ATP2C1: variants seen among roughly 807,000 people sequenced by gnomAD.
ATP2C1 encodes ATPase secretory pathway Ca2+ transporting 1.
ATP2C1 carries 31 observed loss-of-function variants against 120.5 expected under a neutral mutation model. The ratio of observed to expected loss-of-function variants is 0.26; its 90% CI spans 0.19 to 0.35. ATP2C1 has a LOEUF of 0.35. Ranked by LOEUF, ATP2C1 falls within the 10% of genes least tolerant of loss-of-function variation. The pLI is 1.00. For synonymous variants in ATP2C1, 351 were observed against 358.7 expected, an observed-to-expected ratio of 0.98 and a Z score of 0.24; for missense variants, 731 against 1,107.5, an observed-to-expected ratio of 0.66 and a Z score of 4.83.
Position 130,937,457 on chromosome 3 carries a change from T to C in ATP2C1, c.354T>C (p.Phe118=). ...VAILIVVTVA[F]VQEYRSEKSL... Reference sequence around the variant, plus strand: ...TACTTATCGTTGTTACAGTTGCCTTTGTTCAGGTAAGTACTCTATTTTGCC... The same window carrying C: ...TACTTATCGTTGTTACAGTTGCCTTCGTTCAGGTAAGTACTCTATTTTGCC... Residue 118 remains phenylalanine (F), a synonymous_variant, in exon 6 of 28, where the codon TTT becomes TTC. Transcript: ENST00000510168. The C allele has an allele frequency of 6.2e-7, 1 of 1,613,744 alleles. No individual in the cohort carries two copies. Among genetic ancestry groups the C allele is most frequent in the Non-Finnish European group, 8.5e-7 (1 of 1,179,622 alleles).
intron 1 of ATP2C1, among the ~76,000 whole-genome samples, chr3:130,883,898 A>G (rs905489650): frequency 7.0e-6 from 1 of 143,522 alleles, no homozygotes; most frequent in African/African-American, 2.6e-5. Context: ...AAATTTTTCA[A>G]TTTCTTTCTT....
At chr3:130,966,455 C>G (rs2061051471) in intron 14 of ATP2C1, among the ~76,000 whole-genome samples, 1 of 151,910 alleles carries the variant, frequency 6.6e-6, no homozygotes, top group Non-Finnish European at 1.5e-5. Context: ...AGAGATGGAT[C>G]TTGCTTTGTT....
In ATP2C1 at chr3:130,894,123, G is replaced by A. The variant is rs2069351571; in HGVS notation, c.-395G>A. On this transcript the variant is annotated 5_prime_UTR_variant, in exon 1 of 28. Coordinates refer to ENST00000510168, the MANE Select transcript of ATP2C1 (RefSeq NM_001378687.1). The surrounding 1 kb of genome is among the most constrained non-coding windows in gnomAD (Gnocchi z 4.5). Reference sequence around the variant, plus strand: ...TCGCGGAGCCGGCCCGGCGGACCGTGACGGGTCCCCTCACCTCCTCTTCTC... The same window carrying A: ...TCGCGGAGCCGGCCCGGCGGACCGTAACGGGTCCCCTCACCTCCTCTTCTC... The A allele has an allele frequency of 1.0e-6, 1 of 969,386 alleles. No individual in the cohort carries two copies. Among genetic ancestry groups the A allele is most frequent in the Non-Finnish European group, 1.2e-6 (1 of 815,372 alleles). 60.0% of individuals were successfully genotyped at this position (969,386 alleles called of 1,614,324 possible). A position where few individuals can be genotyped will look rare whatever the true frequency, so the allele number is the denominator to read the frequency against.
chr3:130,889,275 T>C (rs777993800), upstream of ATP2C1, among the ~76,000 whole-genome samples: 3 of 152,204 alleles, frequency 2.0e-5, no homozygotes, highest in Non-Finnish European at 2.9e-5. Flanking sequence ...CTCAATACAG[T>C]GGCCCTACCA....
Position 130,894,194 on chromosome 3 carries a change from C to A in ATP2C1, c.-324C>A. 4 of 982,438 alleles carry A rather than the reference C, an allele frequency of 4.1e-6. No individual in the cohort carries two copies. Among genetic ancestry groups the A allele is most frequent in the Non-Finnish European group, 4.8e-6 (4 of 827,600 alleles). 60.9% of individuals were successfully genotyped at this position (982,438 alleles called of 1,614,324 possible). On this transcript the variant is annotated 5_prime_UTR_variant, in exon 1 of 28. Coordinates refer to ENST00000510168, the MANE Select transcript of ATP2C1 (RefSeq NM_001378687.1). The surrounding 1 kb of genome is among the most constrained non-coding windows in gnomAD (Gnocchi z 4.5). The stretch of plus-strand genomic sequence containing the variant: ...TCTCCCTCCCTTCCTCCCTCCCGCT[C>A]GCTTCTTCTCACGCCGGGAGCAGGC...
chr3:131,016,405 A>G (rs942268580), exon 27 of ATP2C1: 3 of 1,511,830 alleles, frequency 2.0e-6, no homozygotes, highest in East Asian at 2.3e-5. Flanking sequence ...CATTTTCTCC[A>G]CATATACTAC....
chr3:130,962,715 TA>T (rs71133621), intron 12 of ATP2C1, among the ~76,000 whole-genome samples: 92,016 of 114,094 alleles, frequency 0.81, 36,693 homozygotes, highest in Middle Eastern at 0.88. Flanking sequence ...ATGGAAGCAT[TA>T]AAAAAAAAAA....
At chr3:130,971,471 T>G (rs899163745) in intron 17 of ATP2C1, among the ~76,000 whole-genome samples, 10 of 152,156 alleles carry the variant, frequency 6.6e-5, no homozygotes, top group Non-Finnish European at 1.2e-4. Context: ...ATAGGGAAAC[T>G]TAACATTTTA....
intron 1 of ATP2C1, among the ~76,000 whole-genome samples, chr3:130,853,338 A>G (rs2067735599): frequency 6.6e-6 from 1 of 152,192 alleles, no homozygotes; most frequent in Non-Finnish European, 1.5e-5. Flanking sequence ...CTGGGTGAGG[A>G]TGGAAAGGAA....
At chr3:130,893,113 T>C (rs1053654756), upstream of ATP2C1, among the ~76,000 whole-genome samples, 14 of 152,178 alleles carry the variant, frequency 9.2e-5, no homozygotes, top group African/African-American at 3.1e-4. Context: ...CTGTTCAACA[T>C]TATATGTCTG....
chr3:130,898,986 T>C (rs1163431003), intron 2 of ATP2C1, among the ~76,000 whole-genome samples: 1 of 152,222 alleles, frequency 6.6e-6, no homozygotes, highest in East Asian at 1.9e-4. Flanking sequence ...AAATTCTTTT[T>C]AATAATGGTT....
At chr3:130,917,970 A>G (rs888038631) in intron 2 of ATP2C1, among the ~76,000 whole-genome samples, 1 of 151,772 alleles carries the variant, frequency 6.6e-6, no homozygotes, top group African/African-American at 2.4e-5. Flanking sequence ...CATTTTGTAG[A>G]ATTTCTTTTT....
At position 130,894,725 on chromosome 3, in the gene ATP2C1, C is replaced by T. The variant is rs1357249220; in HGVS notation, c.-45C>T. ...ATTCCCAGTGTGGCCGTGGCTGACA[C>T]TAAAGACTTTGTAGCCATCAACCCG... On this transcript the variant is annotated 5_prime_UTR_variant, in exon 2 of 28. Transcript: ENST00000510168. The surrounding 1 kb of genome is among the most constrained non-coding windows in gnomAD (Gnocchi z 4.5). 6.2e-7 allele frequency: 1 copy of T among 1,614,156 alleles called. No individual in the cohort carries two copies. Among genetic ancestry groups the T allele is most frequent in the East Asian group, 2.2e-5 (1 of 44,878 alleles).
At chr3:130,913,512 G>C (rs569870268) in intron 2 of ATP2C1, among the ~76,000 whole-genome samples, 32 of 152,196 alleles carry the variant, frequency 2.1e-4, no homozygotes, top group Non-Finnish European at 3.5e-4. Context: ...TGTCTTGTTG[G>C]CATCAGAAGA....
chr3:130,986,271 G>C (rs1236118435), intron 20 of ATP2C1, among the ~76,000 whole-genome samples: 1 of 147,202 alleles, frequency 6.8e-6, no homozygotes, highest in East Asian at 2.0e-4. Context: ...GATTTTTTTA[G>C]TGGTATTGGG....
chr3:130,971,083 T>G (rs1051688780), intron 17 of ATP2C1, among the ~76,000 whole-genome samples: 3 of 152,208 alleles, frequency 2.0e-5, no homozygotes, highest in African/African-American at 7.2e-5. Context: ...TTAGGCGATT[T>G]TCAGCTGATG....
chr3:130,904,721 T>A (rs1018342495), intron 2 of ATP2C1, among the ~76,000 whole-genome samples: 1 of 152,032 alleles, frequency 6.6e-6, no homozygotes, highest in South Asian at 2.1e-4. Flanking sequence ...TGGGCAAGTT[T>A]TGCTATCTAT....
At chr3:130,977,785 C>T (rs2061587302) in intron 18 of ATP2C1, among the ~76,000 whole-genome samples, 1 of 152,082 alleles carries the variant, frequency 6.6e-6, no homozygotes, top group African/African-American at 2.4e-5. Context: ...CCCTTGTGCT[C>T]CACTTCCATC....
At chr3:130,959,634 AAG>A (rs1313511742) in intron 12 of ATP2C1, 2 of 174,800 alleles carry the variant, frequency 1.1e-5, no homozygotes, top group African/African-American at 4.8e-5. Flanking sequence ...AGCAACATGA[AAG>A]AGAAAGTTCA....
Sources: gnomAD v4.1 joint callset for allele counts (sites outside exome capture counted in the v4.1 genomes callset) on GRCh38, gnomAD v4.1.1 for gene constraint, Gnocchi (gnomAD v3.1) non-coding constraint, MANE v1.5 for transcripts, NCBI Gene and HGNC (gene_info 2026-07-23, HGNC 2026-07-21) for gene names.